CCL4: variants seen among roughly 807,000 people sequenced by gnomAD.
CCL4 encodes C-C motif chemokine ligand 4.
Under a neutral mutation model 10.3 loss-of-function variants are expected in CCL4, and 8 were observed. That is an observed-to-expected ratio of 0.77 (90% CI 0.45 to 1.39). The LOEUF is 1.39. Ranked by LOEUF, CCL4 falls within the 40% of genes most tolerant of loss-of-function variation. The probability of loss-of-function intolerance (pLI) is 0.00; values close to 1 mark genes in which losing one functional copy is unlikely to be tolerated. For synonymous variants in CCL4, 35 were observed against 44.3 expected (o/e 0.79, Z 0.83); for missense variants, 106 against 111.2 (o/e 0.95, Z 0.21).
rs756740495 is a variant in CCL4, at chr17:36,104,561, C to T, written c.110C>T (p.Ser37Phe). 1 of 1,612,594 alleles carries T rather than the reference C, an allele frequency of 6.2e-7. No homozygotes were observed. The highest frequency in any genetic ancestry group is 1.1e-5 in the South Asian group (1 of 91,012). The change falls in exon 2 of 3, where the codon TCT (serine) becomes TTT (phenylalanine). Residue 37 changes from serine to phenylalanine, a missense_variant. Physicochemically the swap from Ser to Phe is radical, Grantham distance 155. Transcript: ENST00000615863. ...GACCCTCCCACCGCCTGCTGCTTTTCTTACACCGCGAGGAAGCTTCCTCGC... is the reference window on the plus strand; with the variant it reads ...GACCCTCCCACCGCCTGCTGCTTTTTTTACACCGCGAGGAAGCTTCCTCGC... ...GSDPPTACCF[S>F]YTARKLPRNF...
At chr17:36,104,874 C>G (rs2067148085) in intron 2 of CCL4, 2 of 688,922 alleles carry the variant, frequency 2.9e-6, no homozygotes, top group African/African-American at 3.5e-5. Flanking sequence ...ATTCAGAGGA[C>G]AGGGAAGCAG....
Position 36,105,559 on chromosome 17 carries a change from T to G in CCL4, c.*247T>G, listed in dbSNP as rs2067155732. 3 of 586,530 alleles carry G rather than the reference T, an allele frequency of 5.1e-6. No homozygotes were observed. In the African/African-American group the frequency reaches 5.6e-5, roughly 11 times the overall value. 36.3% of individuals were successfully genotyped at this position (586,530 alleles called of 1,614,324 possible). Reference sequence around the variant, plus strand: ...CTGTTTCTCTGCTGTTGCAAATACATGGATAACACATTTGATTCTGTGTGT... The same window carrying G: ...CTGTTTCTCTGCTGTTGCAAATACAGGGATAACACATTTGATTCTGTGTGT... On this transcript the variant is annotated 3_prime_UTR_variant, in exon 3 of 3. Coordinates refer to ENST00000615863, the MANE Select transcript of CCL4 (RefSeq NM_002984.4).
In CCL4 at chr17:36,105,427, A is replaced by C. The variant is rs1266652436; in HGVS notation, c.*115A>C. 1 of 1,040,200 alleles carries C rather than the reference A, an allele frequency of 9.6e-7. No homozygotes were observed. Among genetic ancestry groups the C allele is most frequent in the African/African-American group, 1.6e-5 (1 of 63,484 alleles). 64.4% of individuals were successfully genotyped at this position (1,040,200 alleles called of 1,614,324 possible). A position where few individuals can be genotyped will look rare whatever the true frequency, so the allele number is the denominator to read the frequency against. ...CTCCGCAGTTCCTGTCCCTTCTCTT[A>C]ATTTAATCTTTTTTATGTGCCGTGT... On this transcript the variant is annotated 3_prime_UTR_variant, in exon 3 of 3. Transcript: ENST00000615863.
rs550166668 is a variant in CCL4, at chr17:36,104,137, A to G, written c.76+156A>G. 44 of 906,228 alleles carry G rather than the reference A, an allele frequency of 4.9e-5. No individual in the cohort carries two copies. The South Asian group carries it at 5.5e-4, about 11-fold the overall frequency. 56.1% of individuals were successfully genotyped at this position (906,228 alleles called of 1,614,324 possible). A position where few individuals can be genotyped will look rare whatever the true frequency, so the allele number is the denominator to read the frequency against. On this transcript the variant is annotated intron_variant, in intron 1 of 2. Transcript: ENST00000615863. ...CTGCTAAATGTAGAGTCTAGTAGAT[A>G]TTCAATAACATTCAAGTTCCTATTT...
Position 36,105,370 on chromosome 17 carries a change from T to G in CCL4, c.*58T>G, listed in dbSNP as rs1320198416. 5 of 1,531,912 alleles carry G rather than the reference T, an allele frequency of 3.3e-6. No individual in the cohort carries two copies. The East Asian group carries it at 1.1e-4, about 34-fold the overall frequency. 94.9% of individuals were successfully genotyped at this position (1,531,912 alleles called of 1,614,324 possible). ...TCACCTGAGCCCGGATGCTTCTCCATGAGACACATCTCCTCCATACTCAGG... is the reference window on the plus strand; with the variant it reads ...TCACCTGAGCCCGGATGCTTCTCCAGGAGACACATCTCCTCCATACTCAGG... On this transcript the variant is annotated 3_prime_UTR_variant, in exon 3 of 3. Coordinates refer to ENST00000615863, the MANE Select transcript of CCL4 (RefSeq NM_002984.4).
rs1428692118 is a variant in CCL4, at chr17:36,103,830, A to G, written c.-76A>G. 11 of 1,515,492 alleles carry G rather than the reference A, an allele frequency of 7.3e-6. No individual in the cohort carries two copies. The highest frequency in any genetic ancestry group is 9.2e-6 in the Non-Finnish European group (10 of 1,090,390). The allele number at this position is 1,515,492 out of a possible 1,614,324, so 93.9% of individuals were successfully genotyped here. ...GAGAGATTCCCAAGTCAGTATCAGC[A>G]CAGGACACAGCTGGGTTCTGAAGCT... On this transcript the variant is annotated 5_prime_UTR_variant, in exon 1 of 3. Transcript: ENST00000615863.
Position 36,103,870 on chromosome 17 carries a change from C to G in CCL4, c.-36C>G, listed in dbSNP as rs768274643. 1 of 1,612,024 alleles carries G rather than the reference C, an allele frequency of 6.2e-7. No homozygotes were observed. Reference sequence around the variant, plus strand: ...GTTCTGAAGCTTCTGAGTTCTGCAGCCTCACCTCTGAGAAAACCTCTTTTC... The same window carrying G: ...GTTCTGAAGCTTCTGAGTTCTGCAGGCTCACCTCTGAGAAAACCTCTTTTC... On this transcript the variant is annotated 5_prime_UTR_variant, in exon 1 of 3. Transcript: ENST00000615863.
rs1483511631 is a variant in CCL4 at position 36,104,529 on chromosome 17, G to A, written c.78G>A (p.Met26Ile). 1.2e-6 allele frequency: 2 copies of A among 1,608,600 alleles called. No homozygotes were observed. The highest frequency in any genetic ancestry group is 2.7e-5 in the African/African-American group (2 of 73,646). Residue 26 changes from methionine to isoleucine, a missense_variant and splice_region_variant, in exon 2 of 3, where the codon ATG becomes ATA. By Grantham distance (10) the Met-to-Ile change is conservative. Transcript: ENST00000615863. Reference protein sequence around the residue: ...AFCSPALSAPMGSDPPTACCF... With the variant: ...AFCSPALSAPIGSDPPTACCF... The stretch of plus-strand genomic sequence containing the variant: ...TCTCACCCTGGCCTTTCCTTTCAGT[G>A]GGCTCAGACCCTCCCACCGCCTGCT...
chr17:36,104,765 C>T lies in CCL4; in HGVS notation c.191+123C>T, dbSNP rs1379207023. ...GGCAGCTCCCAGGGCTGAAGCCTTC[C>T]CTGAGAGCAGTGAGGACACAGGTCA... On this transcript the variant is annotated intron_variant, in intron 2 of 2. Transcript: ENST00000615863. 6 of 1,255,960 alleles carry T rather than the reference C, an allele frequency of 4.8e-6. No homozygotes were observed. In the African/African-American group the frequency reaches 5.9e-5, roughly 12 times the overall value. 77.8% of individuals were successfully genotyped at this position (1,255,960 alleles called of 1,614,324 possible).
At chr17:36,104,997 G>T in intron 2 of CCL4, 1 of 716,906 alleles carries the variant, frequency 1.4e-6, no homozygotes, top group South Asian at 1.5e-5. Flanking sequence ...TATTCATATT[G>T]ATTGCAATGC....
rs771865798 is a variant in CCL4 at position 36,103,878 on chromosome 17, C to G, written c.-28C>G. ...GCTTCTGAGTTCTGCAGCCTCACCT[C>G]TGAGAAAACCTCTTTTCCACCAATA... On this transcript the variant is annotated 5_prime_UTR_variant, in exon 1 of 3. Coordinates refer to ENST00000615863, the MANE Select transcript of CCL4 (RefSeq NM_002984.4). 2 of 1,613,702 alleles carry G rather than the reference C, an allele frequency of 1.2e-6. No individual in the cohort carries two copies. Among genetic ancestry groups the G allele is most frequent in the South Asian group, 1.1e-5 (1 of 91,076 alleles).
intron 1 of CCL4, 166 bp from the exon 2 acceptor site, chr17:36,104,362 T>C (rs2067142494): frequency 1.2e-6 from 1 of 804,164 alleles, no homozygotes; most frequent in African/African-American, 1.7e-5. Flanking sequence ...CTCGTTCTTC[T>C]CTGAAGATCC....
rs746155669 is a variant in CCL4 at position 36,105,314 on chromosome 17, C to G, written c.*2C>G. The G allele has an allele frequency of 6.8e-6, 11 of 1,613,636 alleles. No homozygotes were observed. In the South Asian group the frequency reaches 1.2e-4, roughly 18 times the overall value. The stretch of plus-strand genomic sequence containing the variant: ...GTGTATGACCTGGAACTGAACTGAG[C>G]TGCTCAGAGACAGGAAGTCTTCAGG... On this transcript the variant is annotated 3_prime_UTR_variant, in exon 3 of 3. Coordinates refer to ENST00000615863, the MANE Select transcript of CCL4 (RefSeq NM_002984.4).
intron 1 of CCL4, 130 bp from the exon 2 acceptor site, chr17:36,104,398 A>T (rs117368619): frequency 9.4e-7 from 1 of 1,060,834 alleles, no homozygotes; most frequent in East Asian, 2.5e-5. Context: ...ACTCCTGCTC[A>T]TGTTAGGTGG....
At position 36,105,380 on chromosome 17, in the gene CCL4, C is replaced by T; in HGVS notation, c.*68C>T. 6.8e-7 allele frequency: 1 copy of T among 1,469,456 alleles called. No individual in the cohort carries two copies. Among genetic ancestry groups the T allele is most frequent in the Non-Finnish European group, 9.5e-7 (1 of 1,048,322 alleles). The allele number at this position is 1,469,456 out of a possible 1,614,324, so 91.0% of individuals were successfully genotyped here. Reference sequence around the variant, plus strand: ...CCGGATGCTTCTCCATGAGACACATCTCCTCCATACTCAGGACTCCTCTCC... The same window carrying T: ...CCGGATGCTTCTCCATGAGACACATTTCCTCCATACTCAGGACTCCTCTCC... On this transcript the variant is annotated 3_prime_UTR_variant, in exon 3 of 3. Transcript: ENST00000615863.
chr17:36,104,474 A>G (rs978677797), intron 1 of CCL4, 54 bp from the exon 2 acceptor site: 175 of 1,573,314 alleles, frequency 1.1e-4, no homozygotes, highest in Non-Finnish European at 1.4e-4. Flanking sequence ...ATTAGAAGTC[A>G]AAATAAACAG....
Position 36,105,571 on chromosome 17 carries a change from T to C in CCL4, c.*259T>C, listed in dbSNP as rs2067155879. 4 of 570,786 alleles carry C rather than the reference T, an allele frequency of 7.0e-6. No homozygotes were observed. The highest frequency in any genetic ancestry group is 1.3e-5 in the Non-Finnish European group (4 of 317,252). The allele number at this position is 570,786 out of a possible 1,614,324, so 35.4% of individuals were successfully genotyped here. A position where few individuals can be genotyped will look rare whatever the true frequency, so the allele number is the denominator to read the frequency against. ...TGTTGCAAATACATGGATAACACAT[T>C]TGATTCTGTGTGTTTTCATAATAAA... On this transcript the variant is annotated 3_prime_UTR_variant, in exon 3 of 3. Coordinates refer to ENST00000615863, the MANE Select transcript of CCL4 (RefSeq NM_002984.4).
Position 36,104,666 on chromosome 17 carries a change from C to A in CCL4, c.191+24C>A, listed in dbSNP as rs773337827. 5 of 1,613,692 alleles carry A rather than the reference C, an allele frequency of 3.1e-6. No homozygotes were observed. In the South Asian group the frequency reaches 5.5e-5, roughly 18 times the overall value. On this transcript the variant is annotated intron_variant, in intron 2 of 2. Coordinates refer to ENST00000615863, the MANE Select transcript of CCL4 (RefSeq NM_002984.4). ...GTGTGAGTATCAACCCCTGGGCTGCCCTGGGAGGCAAGGGTGAGGGCTGGA... is the reference window on the plus strand; with the variant it reads ...GTGTGAGTATCAACCCCTGGGCTGCACTGGGAGGCAAGGGTGAGGGCTGGA...
Position 36,105,279 on chromosome 17 carries a change from C to A in CCL4, c.246C>A (p.Val82=). ...QVCADPSESW[V]QEYVYDLELN ...GTGCTGATCCCAGTGAATCCTGGGT[C>A]CAGGAGTACGTGTATGACCTGGAAC... The change falls in exon 3 of 3, where the codon GTC becomes GTA. Residue 82 remains valine, a synonymous_variant. Transcript: ENST00000615863. 6.2e-7 allele frequency: 1 copy of A among 1,614,106 alleles called. No homozygotes were observed. The highest frequency in any genetic ancestry group is 8.5e-7 in the Non-Finnish European group (1 of 1,179,922).
Sources: allele counts gnomAD v4.1 joint callset, GRCh38; gene constraint gnomAD v4.1.1; transcripts MANE v1.5; gene names NCBI Gene and HGNC (gene_info 2026-07-23, HGNC 2026-07-21).